LRRC7: variants seen among roughly 807,000 people sequenced by gnomAD.
The protein encoded by LRRC7 is leucine rich repeat containing 7, also known as leucine-rich repeat-containing protein 7.
LRRC7 carries 23 observed loss-of-function variants against 175.7 expected under a neutral mutation model. That is an observed-to-expected ratio of 0.13 (90% CI 0.09 to 0.19). The LOEUF (loss-of-function observed/expected upper bound fraction) is 0.19. Among genes scored for constraint, LRRC7 ranks in the 10% least tolerant of loss-of-function variants. The probability of loss-of-function intolerance (pLI) is 1.00; values close to 1 mark genes in which losing one functional copy is unlikely to be tolerated. For missense variants in LRRC7, 1,354 were observed against 1,904.7 expected (o/e 0.71, Z 5.38); for synonymous variants, 685 against 680.9 (o/e 1.01, Z -0.09).
At chr1:70,018,618 A>G in intron 14 of LRRC7, 101 bp from the exon 15 acceptor site, 1 of 598,666 alleles carries the variant, frequency 1.7e-6, no homozygotes, top group Non-Finnish European at 2.8e-6. Context: ...TTCTTTTTTC[A>G]CTTTTTCCCC....
chr1:70,034,726 T>C (rs980775653), intron 18 of LRRC7, among the ~76,000 whole-genome samples: 1 of 152,138 alleles, frequency 6.6e-6, no homozygotes, highest in Non-Finnish European at 1.5e-5. Context: ...CTAAGCTGAG[T>C]CTCAGAACCC....
At chr1:69,762,164 G>A (rs1245129783) in intron 3 of LRRC7, among the ~76,000 whole-genome samples, 1 of 151,796 alleles carries the variant, frequency 6.6e-6, no homozygotes, top group East Asian at 1.9e-4. Flanking sequence ...AGCAACCCTA[G>A]GCCAATCTGG....
chr1:69,812,879 T>A (rs954357904), intron 4 of LRRC7, among the ~76,000 whole-genome samples: 1 of 152,186 alleles, frequency 6.6e-6, no homozygotes, highest in African/African-American at 2.4e-5. Flanking sequence ...GTATGGTAGA[T>A]GTTTTAGATC....
At position 70,036,506 on chromosome 1, in the gene LRRC7, A is replaced by C. The variant is rs1485417050; in HGVS notation, c.2170A>C (p.Thr724Pro). The change falls in exon 20 of 27, where the codon ACT (threonine) becomes CCT (proline). Residue 724 changes from threonine (T) to proline (P), a missense_variant. Around this residue, in one of 4 missense-constraint regions of LRRC7, gnomAD observed 1,032 missense variants for 1,227.2 expected, o/e 0.84. Coordinates refer to ENST00000651989, the MANE Select transcript of LRRC7 (RefSeq NM_001370785.2). ...TCTGAATAACAGTGTTTCCTCAGGC[A>C]CTTACTCAGACTACTCGCCTTCCCA... ...HCLNNSVSSG[T>P]YSDYSPSQAS... 1 of 1,613,898 alleles carries C rather than the reference A, an allele frequency of 6.2e-7. No individual in the cohort carries two copies. The highest frequency in any genetic ancestry group is 8.5e-7 in the Non-Finnish European group (1 of 1,179,938).
chr1:69,717,929 AAAGAAAG>A lies in LRRC7; in HGVS notation c.100+39454_100+39460del, dbSNP rs1288606667. Among the ~76,000 whole-genome samples, 16 of 2,078 alleles carry A rather than the reference AAAGAAAG, an allele frequency of 7.7e-3. 2 individuals are homozygous for A. Among genetic ancestry groups the A allele is most frequent in the Admixed American group, 0.056 (8 of 142 alleles). The allele number at this position is 2,078 out of a possible 152,430, so 1.4% of individuals were successfully genotyped here. ...AGGGAGAGAAAGAGAGAAAAAAAGA[AAAGAAAG>A]AAAGAAAGAAAGAAAGAAAGAAGAA... On this transcript the variant is annotated intron_variant, in intron 2 of 26. Transcript: ENST00000651989.
chr1:69,628,303 A>G (rs1651932092), intron 1 of LRRC7, among the ~76,000 whole-genome samples: 1 of 152,186 alleles, frequency 6.6e-6, no homozygotes, highest in Non-Finnish European at 1.5e-5. Context: ...GAAAGTCAAC[A>G]CACAAAAGTC....
At chr1:70,094,745 A>G (rs1183524439) in intron 25 of LRRC7, among the ~76,000 whole-genome samples, 1 of 152,212 alleles carries the variant, frequency 6.6e-6, no homozygotes, top group African/African-American at 2.4e-5. Flanking sequence ...AAGGATAACA[A>G]TACTCAGAGG....
chr1:70,060,703 T>C (rs556558466), intron 23 of LRRC7, among the ~76,000 whole-genome samples: 1 of 152,320 alleles, frequency 6.6e-6, no homozygotes, highest in South Asian at 2.1e-4. Flanking sequence ...AAATATTACA[T>C]ATAAGAGATG....
At chr1:69,607,327 C>G (rs1280773833) in intron 1 of LRRC7, 3 of 152,076 alleles carry the variant, frequency 2.0e-5, no homozygotes, top group Non-Finnish European at 1.5e-5. Context: ...TTGCTACTTT[C>G]TTCTCTTTTA....
At chr1:69,599,290 G>A (rs1646962562) in intron 1 of LRRC7, among the ~76,000 whole-genome samples, 1 of 152,286 alleles carries the variant, frequency 6.6e-6, no homozygotes, top group South Asian at 2.1e-4. Flanking sequence ...ATCTGAAGAT[G>A]CAGACTGGCA....
chr1:69,876,555 T>C (rs1197861694), intron 7 of LRRC7, among the ~76,000 whole-genome samples: 2 of 152,196 alleles, frequency 1.3e-5, no homozygotes, highest in Non-Finnish European at 2.9e-5. Context: ...AAACTACGTC[T>C]TGCTCAAATC....
At chr1:70,036,681 A>C in intron 20 of LRRC7, 57 bp downstream of exon 20, 1 of 1,518,716 alleles carries the variant, frequency 6.6e-7, no homozygotes, top group Non-Finnish European at 8.9e-7. Context: ...CAACTTTTTA[A>C]AAAATGGAAT....
intron 1 of LRRC7, among the ~76,000 whole-genome samples, chr1:69,578,101 A>G (rs950100664): frequency 6.6e-6 from 1 of 152,204 alleles, no homozygotes; most frequent in Non-Finnish European, 1.5e-5. Flanking sequence ...ACAAGAAAAA[A>G]GCAAACAACC....
intron 23 of LRRC7, 73 bp downstream of exon 23, chr1:70,053,218 G>T (rs1042217677): frequency 3.1e-6 from 4 of 1,303,270 alleles, no homozygotes; most frequent in Non-Finnish European, 4.0e-6. Flanking sequence ...TAAATATTTT[G>T]TGTCTTATCA....
intron 1 of LRRC7, among the ~76,000 whole-genome samples, chr1:69,637,919 G>T (rs1260120661): frequency 6.6e-6 from 1 of 151,838 alleles, no homozygotes; most frequent in African/African-American, 2.4e-5. Context: ...GAATAGAAAG[G>T]TGACACATTT....
chr1:69,985,577 T>C (rs1241711937), intron 9 of LRRC7, among the ~76,000 whole-genome samples: 1 of 152,222 alleles, frequency 6.6e-6, no homozygotes, highest in Non-Finnish European at 1.5e-5. Context: ...CACAATCTAA[T>C]TTTAGAACAT....
chr1:69,733,170 G>T (rs1667766396), intron 2 of LRRC7, among the ~76,000 whole-genome samples: 2 of 152,044 alleles, frequency 1.3e-5, no homozygotes, highest in Non-Finnish European at 2.9e-5. Context: ...GACTCAGATG[G>T]TGTGGCTACT....
At chr1:69,946,162 T>A (rs1381756109) in intron 8 of LRRC7, among the ~76,000 whole-genome samples, 1 of 152,190 alleles carries the variant, frequency 6.6e-6, no homozygotes, top group African/African-American at 2.4e-5. Flanking sequence ...ATACTTAATT[T>A]GTTAAGAGTT....
intron 2 of LRRC7, among the ~76,000 whole-genome samples, chr1:69,755,659 C>T (rs1670339471): frequency 6.6e-6 from 1 of 151,574 alleles, no homozygotes; most frequent in East Asian, 1.9e-4. Flanking sequence ...ACACCACAGA[C>T]CTTCTTAGAA....
Sources: gnomAD v4.1 joint callset for allele counts (sites outside exome capture counted in the v4.1 genomes callset) on GRCh38, gnomAD v4.1.1 for gene constraint, gnomAD v4.1.1 regional missense constraint, MANE v1.5 for transcripts, NCBI Gene and HGNC (gene_info 2026-07-23, HGNC 2026-07-21) for gene names.